The following TNFSF13B variants were observed in gnomAD, a reference collection of about 807,000 sequenced individuals.
TNFSF13B encodes the protein tumor necrosis factor ligand superfamily member 13B.
TNFSF13B carries 8 observed loss-of-function variants against 29.1 expected under a neutral mutation model. The ratio of observed to expected loss-of-function variants is 0.27; its 90% confidence interval spans 0.16 to 0.50. The LOEUF (loss-of-function observed/expected upper bound fraction) is 0.50. Ranked by LOEUF, TNFSF13B falls within the 20% of genes least tolerant of loss-of-function variation. The pLI, the probability that TNFSF13B is intolerant of heterozygous loss-of-function variation, is 0.98. For synonymous variants in TNFSF13B, 125 were observed against 130.8 expected (o/e 0.96, Z 0.30); for missense variants, 248 against 334.9 (o/e 0.74, Z 2.03).
In TNFSF13B at chr13:108,269,831, G is replaced by A; in HGVS notation, c.-65G>A. ...GGACATCAACAAACACAGATAACAG[G>A]AAATGATCCATTCCCTGTGGTCACT... On this transcript the variant is annotated 5_prime_UTR_variant, in exon 1 of 6. Transcript: ENST00000375887. 1 of 1,421,806 alleles carries A rather than the reference G, an allele frequency of 7.0e-7. No individual in the cohort carries two copies. The highest frequency in any genetic ancestry group is 9.6e-7 in the Non-Finnish European group (1 of 1,046,180). 88.1% of individuals were successfully genotyped at this position (1,421,806 alleles called of 1,614,324 possible). A position where few individuals can be genotyped will look rare whatever the true frequency, so the allele number is the denominator to read the frequency against.
At chr13:108,292,012 T>G (rs1881329341) in intron 3 of TNFSF13B, among the ~76,000 whole-genome samples, 1 of 152,110 alleles carries the variant, frequency 6.6e-6, no homozygotes, top group Non-Finnish European at 1.5e-5. Flanking sequence ...TAAAATTAAA[T>G]GCACAATTCA....
intron 2 of TNFSF13B, among the ~76,000 whole-genome samples, chr13:108,275,711 G>A (rs1399059962): frequency 6.6e-6 from 1 of 152,036 alleles, no homozygotes; most frequent in South Asian, 2.1e-4. Context: ...CAGTGTGTTG[G>A]CATGTACCCC....
chr13:108,283,203 A>G (rs1881008741), intron 2 of TNFSF13B, among the ~76,000 whole-genome samples: 1 of 152,224 alleles, frequency 6.6e-6, no homozygotes, highest in Non-Finnish European at 1.5e-5. Flanking sequence ...GAAATAGTTG[A>G]AATTCGATAA....
intron 2 of TNFSF13B, among the ~76,000 whole-genome samples, chr13:108,283,157 C>A (rs918476553): frequency 6.6e-6 from 1 of 152,200 alleles, no homozygotes; most frequent in Admixed American, 6.5e-5. Flanking sequence ...GAAAGAAAGT[C>A]TTAAAAGGCT....
chr13:108,284,356 GAATA>G (rs201687174), intron 2 of TNFSF13B, among the ~76,000 whole-genome samples: 4,159 of 107,972 alleles, frequency 0.039, 232 homozygotes, highest in East Asian at 0.32. Context: ...ATAAATAAAT[GAATA>G]AATAAACAAA....
intron 5 of TNFSF13B, among the ~76,000 whole-genome samples, chr13:108,305,775 T>G (rs150480746): frequency 6.6e-6 from 1 of 152,220 alleles, no homozygotes; most frequent in African/African-American, 2.4e-5. Flanking sequence ...ATCACTACTG[T>G]GTGTTTGTCT....
intron 2 of TNFSF13B, among the ~76,000 whole-genome samples, chr13:108,282,870 A>G (rs911151630): frequency 1.3e-5 from 2 of 152,242 alleles, no homozygotes; most frequent in Non-Finnish European, 2.9e-5. Context: ...ACATAAAAAA[A>G]ACTATTCTTA....
At chr13:108,273,457 C>A (rs1389056995) in intron 2 of TNFSF13B, among the ~76,000 whole-genome samples, 1 of 152,168 alleles carries the variant, frequency 6.6e-6, no homozygotes, top group Non-Finnish European at 1.5e-5. Flanking sequence ...TACAAACAGA[C>A]TGTACATAGC....
intron 3 of TNFSF13B, among the ~76,000 whole-genome samples, chr13:108,302,402 G>GCTCA (rs1299687973): frequency 6.6e-6 from 1 of 151,918 alleles, no homozygotes; most frequent in Non-Finnish European, 1.5e-5. Flanking sequence ...CAGCCTTAGG[G>GCTCA]CTCACCCTTT....
chr13:108,297,081 A>G (rs1422410733), intron 3 of TNFSF13B, among the ~76,000 whole-genome samples: 2 of 145,342 alleles, frequency 1.4e-5, no homozygotes, highest in East Asian at 3.9e-4. Context: ...ATTCTCACTT[A>G]GTGCTTTTTG....
At chr13:108,304,880 AAG>A (rs1290002687) in intron 5 of TNFSF13B, among the ~76,000 whole-genome samples, 1 of 152,194 alleles carries the variant, frequency 6.6e-6, no homozygotes, top group Non-Finnish European at 1.5e-5. Flanking sequence ...AACTTTCATA[AAG>A]AGATGTTTCC....
intron 2 of TNFSF13B, among the ~76,000 whole-genome samples, chr13:108,283,812 G>A (rs1881033608): frequency 6.6e-6 from 1 of 152,156 alleles, no homozygotes. Context: ...GGGTTCTCAC[G>A]TGGGGAAAAT....
intron 3 of TNFSF13B, among the ~76,000 whole-genome samples, chr13:108,292,246 G>A (rs1383285587): frequency 1.3e-5 from 2 of 152,020 alleles, no homozygotes; most frequent in Non-Finnish European, 2.9e-5. Flanking sequence ...TTAGTGCCTG[G>A]CTTCTTTCAC....
At chr13:108,306,373 T>A (rs1172219873) in intron 5 of TNFSF13B, among the ~76,000 whole-genome samples, 2 of 152,076 alleles carry the variant, frequency 1.3e-5, no homozygotes, top group East Asian at 3.8e-4. Context: ...TTTATGCTTT[T>A]CATTTGTATG....
At chr13:108,281,825 T>C (rs1169030890) in intron 2 of TNFSF13B, among the ~76,000 whole-genome samples, 9 of 152,222 alleles carry the variant, frequency 5.9e-5, no homozygotes, top group Admixed American at 5.2e-4. Flanking sequence ...TGTGTTTTAA[T>C]TTCAGTGAAA....
chr13:108,273,440 A>G (rs1322330818), intron 2 of TNFSF13B, among the ~76,000 whole-genome samples: 2 of 152,210 alleles, frequency 1.3e-5, no homozygotes, highest in African/African-American at 2.4e-5. Context: ...TTCTCAAAAC[A>G]TATGCATACA....
intron 2 of TNFSF13B, among the ~76,000 whole-genome samples, chr13:108,282,299 C>T (rs539688399): frequency 2.0e-4 from 30 of 152,204 alleles, no homozygotes; most frequent in Admixed American, 6.5e-4. Context: ...GCAGTAATTG[C>T]GTTATTTATG....
intron 2 of TNFSF13B, among the ~76,000 whole-genome samples, chr13:108,283,815 G>A (rs1184967149): frequency 1.3e-5 from 2 of 152,142 alleles, no homozygotes; most frequent in African/African-American, 4.8e-5. Context: ...TTCTCACGTG[G>A]GGAAAATAGG....
At chr13:108,272,557 C>G (rs879915616) in intron 2 of TNFSF13B, among the ~76,000 whole-genome samples, 1 of 152,060 alleles carries the variant, frequency 6.6e-6, no homozygotes, top group African/African-American at 2.4e-5. Context: ...ACTTCCCCCT[C>G]TCTCTTTTTT....
Sources: allele counts gnomAD v4.1 joint callset (sites outside exome capture counted in the v4.1 genomes callset), GRCh38; gene constraint gnomAD v4.1.1; transcripts MANE v1.5; gene names NCBI Gene and HGNC (gene_info 2026-07-23, HGNC 2026-07-21).